CDC73: variants seen among roughly 807,000 people sequenced by gnomAD.
The protein encoded by CDC73 is cell division cycle 73.
In CDC73, 21 loss-of-function variants were observed where a neutral mutation model predicts 83.7. The observed-to-expected ratio is 0.25, with a 90% CI of 0.18 to 0.36. The LOEUF (loss-of-function observed/expected upper bound fraction) is 0.36, where lower values mean the gene tolerates loss of function less well. CDC73 is among the 10% of genes least tolerant of loss of function. The probability of loss-of-function intolerance (pLI) is 1.00; values close to 1 mark genes in which losing one functional copy is unlikely to be tolerated. For missense variants in CDC73, 342 were observed against 653.3 expected, an observed-to-expected ratio of 0.52 and a Z score of 5.19; for synonymous variants, 224 against 212.9, an observed-to-expected ratio of 1.05 and a Z score of -0.45.
At chr1:193,213,403 G>A (rs1677310075) in intron 13 of CDC73, among the ~76,000 whole-genome samples, 1 of 151,554 alleles carries the variant, frequency 6.6e-6, no homozygotes, top group Non-Finnish European at 1.5e-5. Flanking sequence ...TTGTTAAAAT[G>A]GGTAAATATT....
chr1:193,180,696 A>C (rs1344010817), intron 10 of CDC73: 1 of 1,614,076 alleles, frequency 6.2e-7, no homozygotes, highest in Non-Finnish European at 8.5e-7. Context: ...CTTTGTTTCG[A>C]TTGGGTGCAT....
chr1:193,247,660 C>T (rs997403652), intron 15 of CDC73, among the ~76,000 whole-genome samples: 12 of 151,990 alleles, frequency 7.9e-5, no homozygotes, highest in Non-Finnish European at 8.8e-5. Context: ...CTACTCCAGT[C>T]GACACACAAA....
chr1:193,165,473 C>T (rs978961814), intron 10 of CDC73, among the ~76,000 whole-genome samples: 3 of 152,064 alleles, frequency 2.0e-5, no homozygotes, highest in Non-Finnish European at 4.4e-5. Context: ...TTGGGATGAA[C>T]GTTTTACACA....
chr1:193,122,951 A>G (rs1004087121), intron 1 of CDC73, among the ~76,000 whole-genome samples: 1 of 152,294 alleles, frequency 6.6e-6, no homozygotes, highest in Admixed American at 6.5e-5. Flanking sequence ...GATCTAAGAA[A>G]TAGATGGTGC....
chr1:193,236,480 G>T, intron 15 of CDC73, 124 bp downstream of exon 15: 1 of 713,128 alleles, frequency 1.4e-6, no homozygotes. Flanking sequence ...AGTAACATAT[G>T]TTAATGTTTA....
At chr1:193,212,039 G>A (rs753019860) in intron 11 of CDC73, 26 bp from the exon 12 acceptor site, 1 of 1,552,038 alleles carries the variant, frequency 6.4e-7, no homozygotes, top group South Asian at 1.2e-5. Context: ...ATGACACAGA[G>A]TTGTGATTTT....
intron 10 of CDC73, among the ~76,000 whole-genome samples, chr1:193,153,369 T>C (rs1413383289): frequency 6.6e-6 from 1 of 152,196 alleles, no homozygotes; most frequent in East Asian, 1.9e-4. Flanking sequence ...TTTTATACTT[T>C]TATTTATATT....
chr1:193,156,732 T>G (rs778175836), intron 10 of CDC73, among the ~76,000 whole-genome samples: 1 of 152,118 alleles, frequency 6.6e-6, no homozygotes, highest in Non-Finnish European at 1.5e-5. Flanking sequence ...GTAGCAGTAA[T>G]GTTCTGGAGT....
intron 10 of CDC73, chr1:193,186,499 C>T (rs1440267191): frequency 1.3e-5 from 2 of 152,524 alleles, no homozygotes; most frequent in Admixed American, 6.6e-5. Context: ...TCTCTTCTTT[C>T]GTTGTTGCCT....
intron 10 of CDC73, among the ~76,000 whole-genome samples, chr1:193,157,297 T>A (rs1676224755): frequency 6.6e-6 from 1 of 152,208 alleles, no homozygotes; most frequent in Non-Finnish European, 1.5e-5. Flanking sequence ...GATTATTACA[T>A]TACATTGCAC....
intron 15 of CDC73, among the ~76,000 whole-genome samples, chr1:193,247,787 C>G (rs1677979236): frequency 6.6e-6 from 1 of 152,086 alleles, no homozygotes; most frequent in Non-Finnish European, 1.5e-5. Context: ...GAGCAGTGCC[C>G]TAACTCTCTT....
At chr1:193,222,252 A>C (rs539407749) in intron 13 of CDC73, among the ~76,000 whole-genome samples, 11 of 152,168 alleles carry the variant, frequency 7.2e-5, no homozygotes, top group Non-Finnish European at 1.6e-4. Context: ...AAGAGGAAAG[A>C]TTGTGCGCAG....
chr1:193,237,927 T>C (rs1558321834), intron 15 of CDC73, among the ~76,000 whole-genome samples: 2 of 152,138 alleles, frequency 1.3e-5, no homozygotes, highest in Non-Finnish European at 2.9e-5. Context: ...ACAGAGTTGG[T>C]AAATGGGAAG....
chr1:193,157,409 G>T (rs935881652), intron 10 of CDC73, among the ~76,000 whole-genome samples: 12 of 152,108 alleles, frequency 7.9e-5, no homozygotes, highest in African/African-American at 2.7e-4. Flanking sequence ...ATCTAAATGT[G>T]GCCACAGATA....
intron 10 of CDC73, among the ~76,000 whole-genome samples, chr1:193,163,304 G>A (rs1000261613): frequency 6.6e-6 from 1 of 151,580 alleles, no homozygotes; most frequent in Non-Finnish European, 1.5e-5. Flanking sequence ...CCAGAAGTTC[G>A]AGACCAGCTT....
At position 193,252,665 on chromosome 1, in the gene CDC73, C is replaced by G. The variant is rs886884666; in HGVS notation, c.*1953C>G. ...AATCAGACCCTTAGTATAAGCACCT[C>G]TTTTTCTTTTCCTCTTTGACAATTT... On this transcript the variant is annotated 3_prime_UTR_variant, in exon 17 of 17. Coordinates refer to ENST00000367435, the MANE Select transcript of CDC73 (RefSeq NM_024529.5). 1 of 231,394 alleles carries G rather than the reference C, an allele frequency of 4.3e-6. No individual in the cohort carries two copies. The highest frequency in any genetic ancestry group is 8.6e-6 in the Non-Finnish European group (1 of 116,900). The allele number at this position is 231,394 out of a possible 1,614,324, so 14.3% of individuals were successfully genotyped here. A position where few individuals can be genotyped will look rare whatever the true frequency, so the allele number is the denominator to read the frequency against.
chr1:193,230,117 C>G (rs946849379), intron 13 of CDC73, among the ~76,000 whole-genome samples: 2 of 151,124 alleles, frequency 1.3e-5, no homozygotes, highest in African/African-American at 4.9e-5. Flanking sequence ...TGAATTCTTC[C>G]GCATTAGAGG....
chr1:193,127,289 ATGTGTGTGTGTGTGTG>A (rs34948918), intron 2 of CDC73, among the ~76,000 whole-genome samples: 2 of 143,260 alleles, frequency 1.4e-5, no homozygotes, highest in Admixed American at 7.0e-5. Context: ...AAAAAAAAAA[ATGTGTGTGTGTGTGTG>A]TGTGTGTGTG....
chr1:193,128,107 A>G (rs1270907916), intron 2 of CDC73: 1 of 152,100 alleles, frequency 6.6e-6, no homozygotes, highest in Non-Finnish European at 1.5e-5. Context: ...CACTCTGAAA[A>G]CAGATTCCTG....
Sources: allele counts gnomAD v4.1 joint callset (sites outside exome capture counted in the v4.1 genomes callset), GRCh38; gene constraint gnomAD v4.1.1; transcripts MANE v1.5; gene names NCBI Gene and HGNC (gene_info 2026-07-23, HGNC 2026-07-21).